Variants in PCDHA13 observed in about 807,000 individuals in gnomAD.
The protein encoded by PCDHA13 is protocadherin alpha-13.
In PCDHA13, 54 loss-of-function variants were observed where a neutral mutation model predicts 64.8. That is an observed-to-expected ratio of 0.83 (90% CI 0.67 to 1.04). The LOEUF is 1.04. Ranked by LOEUF, PCDHA13 falls within the 50% of genes least tolerant of loss-of-function variation. PCDHA13 has a pLI of 0.00. For missense variants in PCDHA13, 1,248 were observed against 1,254.3 expected, an observed-to-expected ratio of 0.99 and a Z score of 0.08; for synonymous variants, 587 against 564.4, an observed-to-expected ratio of 1.04 and a Z score of -0.57.
At chr5:140,941,644 C>T (rs1157047813) in intron 1 of PCDHA13, among the ~76,000 whole-genome samples, 2 of 152,034 alleles carry the variant, frequency 1.3e-5, no homozygotes, top group African/African-American at 4.8e-5. Flanking sequence ...TGTCTTCCTA[C>T]AACTTATGTC....
At chr5:140,992,044 T>A (rs1160444128) in intron 3 of PCDHA13, among the ~76,000 whole-genome samples, 1 of 151,788 alleles carries the variant, frequency 6.6e-6, no homozygotes, top group African/African-American at 2.4e-5. Flanking sequence ...TGTGTGTGTG[T>A]GTGTGTGTGT....
intron 1 of PCDHA13, among the ~76,000 whole-genome samples, chr5:140,911,305 T>C (rs1036239500): frequency 1.3e-5 from 2 of 152,186 alleles, no homozygotes; most frequent in Non-Finnish European, 2.9e-5. Context: ...CATATCCCCA[T>C]TCCAAGTTTC....
chr5:141,001,594 A>AT (rs1216872407), intron 3 of PCDHA13, among the ~76,000 whole-genome samples: 1 of 152,040 alleles, frequency 6.6e-6, no homozygotes, highest in Non-Finnish European at 1.5e-5. Flanking sequence ...GATTACTCAG[A>AT]TTAGGTTTGC....
intron 1 of PCDHA13, among the ~76,000 whole-genome samples, chr5:140,953,629 T>A (rs547651453): frequency 6.6e-6 from 1 of 152,298 alleles, no homozygotes; most frequent in East Asian, 1.9e-4. Context: ...TTGCTTTATG[T>A]ATTTTGGCCA....
chr5:140,928,990 C>CT, intron 1 of PCDHA13: 2 of 1,613,884 alleles, frequency 1.2e-6, no homozygotes, highest in African/African-American at 1.3e-5. Context: ...GGGGTGCTTA[C>CT]TTTTCTTCGT....
At chr5:140,983,807 G>A (rs1158459034) in intron 3 of PCDHA13, among the ~76,000 whole-genome samples, 1 of 152,100 alleles carries the variant, frequency 6.6e-6, no homozygotes, top group African/African-American at 2.4e-5. Context: ...TGTGTAAAAG[G>A]TTTTTTCCCA....
In PCDHA13 at chr5:140,919,817, T is replaced by C. The variant is rs889103078; in HGVS notation, c.2394+35155T>C. Among the ~76,000 whole-genome samples the C allele has an allele frequency of 4.6e-5, 7 of 152,350 alleles. No homozygotes were observed. In the South Asian group the frequency reaches 1.0e-3, roughly 23 times the overall value. On this transcript the variant is annotated intron_variant, in intron 1 of 3. Coordinates refer to ENST00000289272, the MANE Select transcript of PCDHA13 (RefSeq NM_018904.3). ...TGGATTGAATTGTGGGCCTCAAAAA[T>C]ATATGTCCACATAGTAACCTTTGGA...
intron 1 of PCDHA13, among the ~76,000 whole-genome samples, chr5:140,951,140 C>G (rs1322025119): frequency 9.9e-6 from 1 of 100,842 alleles, no homozygotes; most frequent in Non-Finnish European, 2.0e-5. Context: ...TTTCCTTTAT[C>G]TTATTGAATA....
At chr5:140,968,668 G>A (rs1365342675) in intron 1 of PCDHA13, 3 of 1,614,038 alleles carry the variant, frequency 1.9e-6, no homozygotes, top group African/African-American at 1.3e-5. Flanking sequence ...ACCTCTTTAA[G>A]GTAGAGCTGC....
At chr5:140,951,034 A>G (rs1407307131) in intron 1 of PCDHA13, among the ~76,000 whole-genome samples, 1 of 151,932 alleles carries the variant, frequency 6.6e-6, no homozygotes, top group African/African-American at 2.4e-5. Context: ...TTAATTTCAA[A>G]TATTATATTT....
intron 1 of PCDHA13, among the ~76,000 whole-genome samples, chr5:140,900,835 C>A (rs1023887892): frequency 1.3e-5 from 2 of 152,150 alleles, no homozygotes; most frequent in African/African-American, 4.8e-5. Flanking sequence ...CAACAATGTA[C>A]AAAGTTTCCC....
At chr5:140,957,269 T>TC (rs2095346885) in intron 1 of PCDHA13, among the ~76,000 whole-genome samples, 1 of 152,070 alleles carries the variant, frequency 6.6e-6, no homozygotes, top group African/African-American at 2.4e-5. Context: ...TAAGCACTAG[T>TC]CCCCCCTTAC....
chr5:140,978,890 A>G (rs2096827624), intron 1 of PCDHA13, 59 bp from the exon 2 acceptor site: 1 of 1,612,616 alleles, frequency 6.2e-7, no homozygotes. Context: ...AATTAGCAGC[A>G]TTCCTGGGAG....
intron 3 of PCDHA13, among the ~76,000 whole-genome samples, chr5:140,997,115 C>A (rs537421169): frequency 9.2e-5 from 14 of 152,116 alleles, no homozygotes; most frequent in Non-Finnish European, 1.6e-4. Flanking sequence ...TCCTGCTCTC[C>A]CACATACACA....
intron 1 of PCDHA13, among the ~76,000 whole-genome samples, chr5:140,957,031 TG>T (rs1436652232): frequency 6.6e-6 from 1 of 152,182 alleles, no homozygotes; most frequent in Non-Finnish European, 1.5e-5. Flanking sequence ...TAGATATTTA[TG>T]GGAGTCATAT....
At chr5:140,953,118 A>G (rs2094850559) in intron 1 of PCDHA13, among the ~76,000 whole-genome samples, 1 of 152,162 alleles carries the variant, frequency 6.6e-6, no homozygotes, top group Non-Finnish European at 1.5e-5. Context: ...AGGGACACAG[A>G]TCTAAACCGT....
chr5:141,003,708 A>T (rs1251126675), intron 3 of PCDHA13, among the ~76,000 whole-genome samples: 1 of 152,218 alleles, frequency 6.6e-6, no homozygotes, highest in Non-Finnish European at 1.5e-5. Flanking sequence ...CCAATTGTGA[A>T]GATATCGGCT....
rs116814228 is a variant in PCDHA13, at chr5:140,916,284, C to T, written c.2394+31622C>T. ...AGAGCATGCTTGTTGCTCTACTCCACGTGGCCAAACTGGTACCAAAGGTGC... is the reference window on the plus strand; with the variant it reads ...AGAGCATGCTTGTTGCTCTACTCCATGTGGCCAAACTGGTACCAAAGGTGC... On this transcript the variant is annotated intron_variant, in intron 1 of 3. Coordinates refer to ENST00000289272, the MANE Select transcript of PCDHA13 (RefSeq NM_018904.3). Among the ~76,000 whole-genome samples the T allele has an allele frequency of 8.7e-3, 1,322 of 152,308 alleles. 14 individuals carry two copies. The highest frequency in any genetic ancestry group is 0.03 in the African/African-American group (1,254 of 41,566).
intron 1 of PCDHA13, chr5:140,969,349 G>A (rs782345683): frequency 3.1e-5 from 50 of 1,612,958 alleles, no homozygotes; most frequent in Non-Finnish European, 4.2e-5. Context: ...AGTGGTCAGG[G>A]GGTCTTCTAC....
Sources: allele counts gnomAD v4.1 joint callset (sites outside exome capture counted in the v4.1 genomes callset), GRCh38; gene constraint gnomAD v4.1.1; transcripts MANE v1.5; gene names NCBI Gene and HGNC (gene_info 2026-07-23, HGNC 2026-07-21).